PVR: variants seen among roughly 807,000 people sequenced by gnomAD.
PVR encodes poliovirus receptor.
A neutral mutation model predicts 43.3 loss-of-function variants in PVR; 39 were observed. The ratio of observed to expected loss-of-function variants is 0.90; its 90% confidence interval spans 0.70 to 1.18. The LOEUF is 1.18. Among genes scored for constraint, PVR ranks in the 50% most tolerant of loss-of-function variants. The probability of loss-of-function intolerance (pLI) is 0.00; values close to 1 mark genes in which losing one functional copy is unlikely to be tolerated. For synonymous variants in PVR, 224 were observed against 233.2 expected (o/e 0.96, Z 0.36); for missense variants, 480 against 549.7 (o/e 0.87, Z 1.27).
chr19:44,662,218 CT>C lies in PVR; in HGVS notation c.*408del. 6.4e-5 allele frequency: 13 copies of C among 202,638 alleles called. No individual in the cohort carries two copies. Among genetic ancestry groups the C allele is most frequent in the South Asian group, 4.3e-4 (4 of 9,322 alleles). The allele number at this position is 202,638 out of a possible 1,614,324, so 12.6% of individuals were successfully genotyped here. A position where few individuals can be genotyped will look rare whatever the true frequency, so the allele number is the denominator to read the frequency against. On this transcript the variant is annotated 3_prime_UTR_variant, in exon 8 of 8. Transcript: ENST00000425690. ...CAACATGCAAGAAGTACTGCCAATA[CT>C]GCCAACCAGAGCAGCTCACTCGAGA...
At chr19:44,653,859 A>C (rs201461538) in intron 3 of PVR, 41 bp from the exon 4 acceptor site, 1 of 1,435,304 alleles carries the variant, frequency 7.0e-7, no homozygotes, top group East Asian at 2.3e-5. Flanking sequence ...AGGCCCCCCA[A>C]AGCCTCCCAG....
intron 1 of PVR, 124 bp downstream of exon 1, chr19:44,644,299 T>C: frequency 1.5e-6 from 1 of 678,776 alleles, no homozygotes; most frequent in Non-Finnish European, 2.3e-6. Context: ...ACCCCCCATC[T>C]CTGCCCCGGG....
chr19:44,661,059 C>A (rs1350437658), intron 6 of PVR, among the ~76,000 whole-genome samples: 4 of 152,152 alleles, frequency 2.6e-5, no homozygotes, highest in African/African-American at 9.7e-5. Context: ...CAGAGCCAGG[C>A]TCGATATTTA....
At chr19:44,656,437 C>T (rs1973447758) in intron 4 of PVR, among the ~76,000 whole-genome samples, 1 of 152,210 alleles carries the variant, frequency 6.6e-6, no homozygotes, top group African/African-American at 2.4e-5. Flanking sequence ...TGCATCCCAG[C>T]TCTGCGGAGC....
chr19:44,644,564 C>A (rs548328813), intron 1 of PVR, among the ~76,000 whole-genome samples: 1 of 152,208 alleles, frequency 6.6e-6, no homozygotes, highest in Admixed American at 6.5e-5. Flanking sequence ...TCAGCATACC[C>A]AGGCCATAAC....
chr19:44,647,623 G>A (rs1305585380), intron 2 of PVR, 53 bp downstream of exon 2: 5 of 1,471,464 alleles, frequency 3.4e-6, no homozygotes, highest in Non-Finnish European at 4.6e-6. Context: ...TTGGTGGGAG[G>A]ATCAGGGAAG....
chr19:44,660,350 C>A (rs1973560622), intron 6 of PVR, among the ~76,000 whole-genome samples: 1 of 152,166 alleles, frequency 6.6e-6, no homozygotes, highest in Non-Finnish European at 1.5e-5. Context: ...TCAGTTTCCT[C>A]ATCTGTAAAA....
At chr19:44,647,106 C>CCCCCG in intron 1 of PVR, 117 bp from the exon 2 acceptor site, 2 of 663,928 alleles carry the variant, frequency 3.0e-6, no homozygotes, top group South Asian at 2.0e-5. Flanking sequence ...CACGGTCCAC[C>CCCCCG]GGGGATCCAG....
chr19:44,657,933 A>G, intron 5 of PVR, 23 bp downstream of exon 5: 1 of 1,611,224 alleles, frequency 6.2e-7, no homozygotes, highest in Non-Finnish European at 8.5e-7. Flanking sequence ...CTGGGTGGGA[A>G]GAACAGGGAC....
At chr19:44,653,863 C>A in intron 3 of PVR, 37 bp from the exon 4 acceptor site, 1 of 1,464,742 alleles carries the variant, frequency 6.8e-7, no homozygotes, top group Non-Finnish European at 9.6e-7. Context: ...CCCCCAAAGC[C>A]TCCCAGTCTC....
chr19:44,647,612 C>G, intron 2 of PVR, 42 bp downstream of exon 2: 1 of 1,519,322 alleles, frequency 6.6e-7, no homozygotes, highest in Non-Finnish European at 8.9e-7. Context: ...AAGGCAGAGA[C>G]TTGGTGGGAG....
Position 44,662,221 on chromosome 19 carries a change from C to G in PVR, c.*410C>G. ...CATGCAAGAAGTACTGCCAATACTG[C>G]CAACCAGAGCAGCTCACTCGAGATC... On this transcript the variant is annotated 3_prime_UTR_variant, in exon 8 of 8. Coordinates refer to ENST00000425690, the MANE Select transcript of PVR (RefSeq NM_006505.5). 5.6e-5 allele frequency: 11 copies of G among 195,532 alleles called. No homozygotes were observed. Among genetic ancestry groups the G allele is most frequent in the South Asian group, 2.3e-4 (2 of 8,672 alleles). 12.1% of individuals were successfully genotyped at this position (195,532 alleles called of 1,614,324 possible).
At position 44,661,938 on chromosome 19, in the gene PVR, C is replaced by CA; in HGVS notation, c.*131dup. On this transcript the variant is annotated 3_prime_UTR_variant, in exon 8 of 8. Coordinates refer to ENST00000425690, the MANE Select transcript of PVR (RefSeq NM_006505.5). ...CAGCCTCCCTCCCTGTGCCAGACCT[C>CA]AAAACGACGGGGGCAGGTGCAAGTT... The CA allele has an allele frequency of 2.5e-6, 2 of 808,794 alleles. No individual in the cohort carries two copies. The highest frequency in any genetic ancestry group is 3.1e-5 in the South Asian group (2 of 65,432). 50.1% of individuals were successfully genotyped at this position (808,794 alleles called of 1,614,324 possible).
chr19:44,659,127 G>A (rs951941707), intron 6 of PVR: 4 of 453,956 alleles, frequency 8.8e-6, no homozygotes, highest in Non-Finnish European at 1.5e-5. Flanking sequence ...GCCATGGTAG[G>A]GACTTTGGAA....
At position 44,649,716 on chromosome 19, in the gene PVR, C is replaced by T. The variant is rs867980489; in HGVS notation, c.428-93C>T. The T allele has an allele frequency of 2.2e-6, 3 of 1,389,220 alleles. No individual in the cohort carries two copies. The Middle Eastern group carries it at 7.0e-4, about 323-fold the overall frequency. 86.1% of individuals were successfully genotyped at this position (1,389,220 alleles called of 1,614,324 possible). On this transcript the variant is annotated intron_variant, in intron 2 of 7. Transcript: ENST00000425690. ...GATTATAGGCGTGAGCCACCCCGCC[C>T]AGCAACCATGCCATCCTGTACCCTT...
At chr19:44,649,729 A>G in intron 2 of PVR, 80 bp from the exon 3 acceptor site, 2 of 1,487,716 alleles carry the variant, frequency 1.3e-6, no homozygotes, top group African/African-American at 1.4e-5. Flanking sequence ...CAACCATGCC[A>G]TCCTGTACCC....
intron 3 of PVR, among the ~76,000 whole-genome samples, chr19:44,652,020 G>A (rs937491598): frequency 2.0e-5 from 3 of 152,082 alleles, no homozygotes; most frequent in Admixed American, 2.0e-4. Context: ...AGCCAGGCAC[G>A]GTGGCGGGTG....
intron 5 of PVR, among the ~76,000 whole-genome samples, chr19:44,658,447 A>T (rs1463180388): frequency 6.6e-6 from 1 of 152,168 alleles, no homozygotes; most frequent in Non-Finnish European, 1.5e-5. Flanking sequence ...GAAAAAACAT[A>T]CCACTTTCAG....
chr19:44,653,843 A>AC, intron 3 of PVR, 57 bp from the exon 4 acceptor site: 1 of 1,207,860 alleles, frequency 8.3e-7, no homozygotes, highest in Non-Finnish European at 1.2e-6. Flanking sequence ...AATCCCGCGT[A>AC]GCCCCAGGCC....
Sources: allele counts gnomAD v4.1 joint callset (sites outside exome capture counted in the v4.1 genomes callset), GRCh38; gene constraint gnomAD v4.1.1; transcripts MANE v1.5; gene names NCBI Gene and HGNC (gene_info 2026-07-23, HGNC 2026-07-21).